The following SRPX variants were observed in gnomAD, a reference collection of about 807,000 sequenced individuals.
The protein encoded by SRPX is sushi repeat containing protein X-linked, also known as sushi repeat-containing protein SRPX.
SRPX carries 24 observed loss-of-function variants against 38.1 expected under a neutral mutation model. That is an observed-to-expected ratio of 0.63 (90% CI 0.46 to 0.89). The LOEUF (loss-of-function observed/expected upper bound fraction) is 0.89. SRPX is among the 40% of genes least tolerant of loss of function. SRPX has a pLI of 0.00. For missense variants in SRPX, 416 were observed against 377.8 expected (o/e 1.10, Z -0.84); for synonymous variants, 184 against 153.8 (o/e 1.20, Z -1.45).
At position 38,220,867 on chromosome X, in the gene SRPX, G is replaced by A. The variant is rs1166228254; in HGVS notation, c.-75C>T. The stretch of plus-strand genomic sequence containing the variant: ...GCGGCAGGAGACCGAAGAGACCAAG[G>A]GACTGCGTGCTAGCGGGCGGGCGAA... On this transcript the variant is annotated 5_prime_UTR_variant, in exon 1 of 10. Transcript: ENST00000378533. 2 of 1,046,387 alleles carry A rather than the reference G, an allele frequency of 1.9e-6. No homozygotes were observed. The highest frequency in any genetic ancestry group is 1.2e-6 in the Non-Finnish European group (1 of 822,779). 86.2% of individuals were successfully genotyped at this position (1,046,387 alleles called of 1,213,427 possible). A position where few individuals can be genotyped will look rare whatever the true frequency, so the allele number is the denominator to read the frequency against.
Position 38,149,939 on chromosome X carries a change from C to T in SRPX, c.1212-45G>A, listed in dbSNP as rs750639045. 7 of 1,099,681 alleles carry T rather than the reference C, an allele frequency of 6.4e-6. No individual in the cohort carries two copies. The East Asian group carries it at 2.2e-4, about 35-fold the overall frequency. 90.6% of individuals were successfully genotyped at this position (1,099,681 alleles called of 1,213,427 possible). ...GAGGAGACTAAGTCAAACCATGACT[C>T]CCAAGGGTCCTGGTGGATCAACCAG... On this transcript the variant is annotated intron_variant, in intron 9 of 9. Transcript: ENST00000378533.
intron 1 of SRPX, among the ~76,000 whole-genome samples, chrX:38,192,320 G>A: frequency 9.0e-6 from 1 of 111,653 alleles, no homozygotes; most frequent in Admixed American, 9.5e-5. Flanking sequence ...CATAAGAGCT[G>A]TTTTAAGCCA....
intron 2 of SRPX, among the ~76,000 whole-genome samples, chrX:38,177,686 G>A (rs1372301862): frequency 9.0e-6 from 1 of 111,393 alleles, no homozygotes; most frequent in Non-Finnish European, 1.9e-5. Context: ...AATATTTGTG[G>A]ACATACTTAC....
intron 3 of SRPX, among the ~76,000 whole-genome samples, 179 bp downstream of exon 3, chrX:38,173,981 T>C (rs1197354948): frequency 8.9e-6 from 1 of 112,197 alleles, no homozygotes; most frequent in Admixed American, 9.4e-5. Flanking sequence ...CAGCTGATCA[T>C]ATCATTCTCT....
rs375336597 is a variant in SRPX, at chrX:38,172,737, T to C, written c.350-680A>G. Among the ~76,000 whole-genome samples, 10 of 112,884 alleles carry C rather than the reference T, an allele frequency of 8.9e-5. No homozygotes were observed. The East Asian group carries it at 1.7e-3, about 19-fold the overall frequency. On this transcript the variant is annotated intron_variant, in intron 3 of 9. Coordinates refer to ENST00000378533, the MANE Select transcript of SRPX (RefSeq NM_006307.5). Reference sequence around the variant, plus strand: ...CAAAGTCAGCAGCAGCCTGATCCCATAGGGAAGCTCTGGAGTGTGAATGAC... The same window carrying C: ...CAAAGTCAGCAGCAGCCTGATCCCACAGGGAAGCTCTGGAGTGTGAATGAC...
intron 5 of SRPX, among the ~76,000 whole-genome samples, chrX:38,162,991 T>TA (rs1186520887): frequency 9.0e-6 from 1 of 111,703 alleles, no homozygotes; most frequent in Non-Finnish European, 1.9e-5. Context: ...TGCAAAAATC[T>TA]AAAAACCTAC....
At chrX:38,178,538 C>T (rs1311298540) in intron 1 of SRPX, among the ~76,000 whole-genome samples, 194 bp from the exon 2 acceptor site, 1 of 111,617 alleles carries the variant, frequency 9.0e-6, no homozygotes, top group Non-Finnish European at 1.9e-5. Flanking sequence ...GCTGAGATTG[C>T]CAAAAACCAA....
In SRPX at chrX:38,161,055, C is replaced by T; in HGVS notation, c.654-1G>A. The T allele has an allele frequency of 2.5e-6, 3 of 1,206,064 alleles. No homozygotes were observed. Among genetic ancestry groups the T allele is most frequent in the Non-Finnish European group, 3.4e-6 (3 of 893,938 alleles). Reference sequence around the variant, plus strand: ...TGGGGGGAGGCCTTTTAGAATGACACTTAGAGAAAAAAAATCAGAAACAGG... The same window carrying T: ...TGGGGGGAGGCCTTTTAGAATGACATTTAGAGAAAAAAAATCAGAAACAGG... On this transcript the variant is annotated splice_acceptor_variant, in intron 5 of 9. Coordinates refer to ENST00000378533, the MANE Select transcript of SRPX (RefSeq NM_006307.5). LOFTEE classifies it high-confidence loss of function.
At chrX:38,197,698 A>G (rs1012590990) in intron 1 of SRPX, among the ~76,000 whole-genome samples, 44 of 112,437 alleles carry the variant, frequency 3.9e-4, no homozygotes, top group African/African-American at 1.4e-3. Context: ...AGTTTGTTGA[A>G]TGGTGAATAA....
At chrX:38,176,533 C>G in intron 2 of SRPX, among the ~76,000 whole-genome samples, 2 of 112,229 alleles carry the variant, frequency 1.8e-5, no homozygotes, top group Admixed American at 1.9e-4. Context: ...TGGCTCACGC[C>G]TGTAATCCCA....
chrX:38,159,900 TAA>T, intron 7 of SRPX, 115 bp downstream of exon 7: 5 of 834,696 alleles, frequency 6.0e-6, no homozygotes, highest in Non-Finnish European at 8.4e-6. Context: ...TCCACTCAGA[TAA>T]AGAGGGATGG....
At chrX:38,212,557 C>T (rs1939348518) in intron 1 of SRPX, among the ~76,000 whole-genome samples, 1 of 111,328 alleles carries the variant, frequency 9.0e-6, no homozygotes, top group African/African-American at 3.3e-5. Flanking sequence ...TGGGTTTGGG[C>T]CTGAGCTTCT....
At chrX:38,191,563 CACAT>C (rs953869926) in intron 1 of SRPX, among the ~76,000 whole-genome samples, 18 of 105,410 alleles carry the variant, frequency 1.7e-4, no homozygotes, top group African/African-American at 5.0e-4. Flanking sequence ...CACACACACA[CACAT>C]ATACCATATT....
At chrX:38,188,771 T>C (rs1003526663) in intron 1 of SRPX, among the ~76,000 whole-genome samples, 9 of 112,000 alleles carry the variant, frequency 8.0e-5, no homozygotes, top group African/African-American at 2.9e-4. Flanking sequence ...AATAGCATTC[T>C]CTTTCACACT....
chrX:38,190,992 A>G (rs965369940), intron 1 of SRPX, among the ~76,000 whole-genome samples: 1 of 111,702 alleles, frequency 9.0e-6, no homozygotes, highest in African/African-American at 3.3e-5. Flanking sequence ...TGCCAACGAC[A>G]AAGATTAAAT....
chrX:38,204,472 C>T (rs1253825880), intron 1 of SRPX, among the ~76,000 whole-genome samples: 3 of 112,122 alleles, frequency 2.7e-5, no homozygotes, highest in East Asian at 2.8e-4. Flanking sequence ...CAATTCAGTA[C>T]AGTTTATTAC....
chrX:38,184,241 T>C (rs1938727529), intron 1 of SRPX, among the ~76,000 whole-genome samples: 1 of 111,892 alleles, frequency 8.9e-6, no homozygotes. Context: ...AGTTCTTTAT[T>C]GATTATGATA....
At chrX:38,177,546 C>T (rs1279846156) in intron 2 of SRPX, among the ~76,000 whole-genome samples, 1 of 43,001 alleles carries the variant, frequency 2.3e-5, no homozygotes, top group Non-Finnish European at 5.0e-5. Flanking sequence ...ACTTTGTTAA[C>T]CATTTTTTTT....
At chrX:38,173,617 T>A (rs1173904021) in intron 3 of SRPX, among the ~76,000 whole-genome samples, 1 of 111,097 alleles carries the variant, frequency 9.0e-6, no homozygotes, top group Non-Finnish European at 1.9e-5. Context: ...ACCCAGCTAA[T>A]TTTTTGTATT....
Sources: gnomAD v4.1 joint callset for allele counts (sites outside exome capture counted in the v4.1 genomes callset) on GRCh38, gnomAD v4.1.1 for gene constraint, MANE v1.5 for transcripts, NCBI Gene and HGNC (gene_info 2026-07-23, HGNC 2026-07-21) for gene names.